Variants in ASIC4 observed in about 807,000 individuals in gnomAD.
ASIC4 encodes the protein acid sensing ion channel subunit family member 4.
A neutral mutation model predicts 53.4 loss-of-function variants in ASIC4; 28 were observed. The observed-to-expected ratio is 0.52, with a 90% CI of 0.39 to 0.72. ASIC4 has a LOEUF of 0.72. Among genes scored for constraint, ASIC4 ranks in the 30% least tolerant of loss-of-function variants. The probability of loss-of-function intolerance (pLI) is 0.00; values close to 1 mark genes in which losing one functional copy is unlikely to be tolerated. For synonymous variants in ASIC4, 289 were observed against 301.4 expected (o/e 0.96, Z 0.43); for missense variants, 649 against 729.7 (o/e 0.89, Z 1.27).
At chr2:219,528,056 C>A (rs1694986638) in intron 1 of ASIC4, among the ~76,000 whole-genome samples, 1 of 152,272 alleles carries the variant, frequency 6.6e-6, no homozygotes, top group African/African-American at 2.4e-5. Context: ...CCCATGCCTT[C>A]TTTAGCCTTT....
upstream of ASIC4, among the ~76,000 whole-genome samples, chr2:219,513,115 G>A (rs998954854): frequency 6.6e-5 from 10 of 152,186 alleles, no homozygotes; most frequent in Non-Finnish European, 1.2e-4. Flanking sequence ...CCCTCAGATC[G>A]ATTCCTTTCT....
chr2:219,532,159 G>C, intron 3 of ASIC4, 31 bp downstream of exon 3: 1 of 1,613,370 alleles, frequency 6.2e-7, no homozygotes, highest in African/African-American at 1.3e-5. Flanking sequence ...CCTGGATTGG[G>C]CACAGGGCTC....
intron 1 of ASIC4, among the ~76,000 whole-genome samples, chr2:219,523,302 G>A (rs926832037): frequency 6.7e-6 from 1 of 149,046 alleles, no homozygotes; most frequent in Admixed American, 6.7e-5. Context: ...CCTGGGTCCC[G>A]GAGGCCTTCA....
intron 2 of ASIC4, 43 bp downstream of exon 2, chr2:219,531,945 G>C: frequency 6.2e-7 from 1 of 1,612,688 alleles, no homozygotes; most frequent in Non-Finnish European, 8.5e-7. Context: ...TGGGGACTGG[G>C]GCCTGGGCCC....
At chr2:219,534,924 C>A (rs561843368) in intron 5 of ASIC4, among the ~76,000 whole-genome samples, 1 of 152,240 alleles carries the variant, frequency 6.6e-6, no homozygotes, top group East Asian at 1.9e-4. Flanking sequence ...GGACCCCCCC[C>A]CAGTCCCAGG....
At chr2:219,532,565 C>T in intron 4 of ASIC4, 88 bp downstream of exon 4, 1 of 1,499,658 alleles carries the variant, frequency 6.7e-7, no homozygotes, top group Non-Finnish European at 9.0e-7. Context: ...TGTGCACAGG[C>T]AGGTGCATGT....
chr2:219,532,707 T>C (rs892956724), intron 4 of ASIC4, 176 bp from the exon 5 acceptor site: 78 of 814,598 alleles, frequency 9.6e-5, no homozygotes, highest in Non-Finnish European at 1.3e-4. Flanking sequence ...TTTGTGTACG[T>C]GCATGCTCAT....
intron 1 of ASIC4, among the ~76,000 whole-genome samples, chr2:219,526,605 T>G (rs1694965320): frequency 6.6e-6 from 1 of 151,726 alleles, no homozygotes; most frequent in South Asian, 2.1e-4. Context: ...GTCAGGCGGA[T>G]AGAGAAGGAC....
intron 1 of ASIC4, among the ~76,000 whole-genome samples, chr2:219,521,483 G>A (rs1201900085): frequency 6.6e-6 from 1 of 152,256 alleles, no homozygotes; most frequent in Non-Finnish European, 1.5e-5. Flanking sequence ...GCTGGCGGCA[G>A]GGCTGCCTCT....
intron 3 of ASIC4, 55 bp from the exon 4 acceptor site, chr2:219,532,260 C>T (rs1574493994): frequency 6.3e-7 from 1 of 1,598,058 alleles, no homozygotes; most frequent in Non-Finnish European, 8.6e-7. Flanking sequence ...GCTGTGGGCA[C>T]TGGAGGACTG....
At chr2:219,530,974 G>A (rs1467910469) in intron 1 of ASIC4, among the ~76,000 whole-genome samples, 2 of 152,184 alleles carry the variant, frequency 1.3e-5, no homozygotes, top group Non-Finnish European at 2.9e-5. Flanking sequence ...GGACCAAGGT[G>A]GGAGAGCAGT....
Position 219,514,778 on chromosome 2 carries a change from C to G in ASIC4, c.54C>G (p.Pro18=). ...AATTTGCTGAGGAGGATGCGAAACCCAAGGAGAAGGAGGCAGGGGATGAGC... is the reference window on the plus strand; with the variant it reads ...AATTTGCTGAGGAGGATGCGAAACCGAAGGAGAAGGAGGCAGGGGATGAGC... ...KIKFAEEDAK[P]KEKEAGDEQS... The change falls in exon 1 of 10, where the codon CCC becomes CCG. Residue 18 remains proline (P), a synonymous_variant. Coordinates refer to ENST00000358078, the MANE Select transcript of ASIC4 (RefSeq NM_018674.6). 1 of 1,613,536 alleles carries G rather than the reference C, an allele frequency of 6.2e-7. No homozygotes were observed. Among genetic ancestry groups the G allele is most frequent in the Non-Finnish European group, 8.5e-7 (1 of 1,179,990 alleles).
At chr2:219,521,718 CCT>C (rs869091351) in intron 1 of ASIC4, among the ~76,000 whole-genome samples, 1 of 111,334 alleles carries the variant, frequency 9.0e-6, no homozygotes, top group Non-Finnish European at 1.8e-5. Flanking sequence ...CCTCAGGCTG[CCT>C]CTGAGTTATA....
At chr2:219,523,592 T>C (rs1473305549) in intron 1 of ASIC4, among the ~76,000 whole-genome samples, 1 of 152,234 alleles carries the variant, frequency 6.6e-6, no homozygotes, top group Non-Finnish European at 1.5e-5. Context: ...CTTTCTTGAG[T>C]GTGGCATTGT....
At chr2:219,509,908 G>A (rs540732783), upstream of ASIC4, among the ~76,000 whole-genome samples, 3 of 152,186 alleles carry the variant, frequency 2.0e-5, no homozygotes, top group African/African-American at 7.2e-5. This position sits in a 1 kb window ranked among gnomAD's most constrained non-coding sequence, Gnocchi z 5.2. Context: ...GCTAGGGTTG[G>A]CCCCTGCCAC....
chr2:219,507,315 C>T, the ASIC4 span, among the ~76,000 whole-genome samples: 1 of 152,206 alleles, frequency 6.6e-6, no homozygotes, highest in Non-Finnish European at 1.5e-5. Context: ...GGGCAGCAGG[C>T]AGAGGAACTG....
At chr2:219,525,187 A>G (rs1341965045) in intron 1 of ASIC4, among the ~76,000 whole-genome samples, 3 of 152,160 alleles carry the variant, frequency 2.0e-5, no homozygotes, top group South Asian at 2.1e-4. Flanking sequence ...ATAGTGATCA[A>G]TCTCTGCCCT....
intron 1 of ASIC4, among the ~76,000 whole-genome samples, chr2:219,522,306 G>A (rs1371388410): frequency 6.6e-6 from 1 of 151,970 alleles, no homozygotes; most frequent in Non-Finnish European, 1.5e-5. Flanking sequence ...GTGACTAAGC[G>A]TGGACAGGAT....
At chr2:219,521,385 T>A (rs1694882002) in intron 1 of ASIC4, among the ~76,000 whole-genome samples, 1 of 152,206 alleles carries the variant, frequency 6.6e-6, no homozygotes, top group African/African-American at 2.4e-5. Context: ...CCCCCTCTGA[T>A]CCTCCCTCTG....
Sources: gnomAD v4.1 joint callset for allele counts (sites outside exome capture counted in the v4.1 genomes callset) on GRCh38, gnomAD v4.1.1 for gene constraint, Gnocchi (gnomAD v3.1) non-coding constraint, MANE v1.5 for transcripts, NCBI Gene and HGNC (gene_info 2026-07-23, HGNC 2026-07-21) for gene names.